The following DYNC1I1 variants were observed in gnomAD, a reference collection of about 807,000 sequenced individuals.
DYNC1I1 encodes the protein cytoplasmic dynein 1 intermediate chain 1.
A neutral mutation model predicts 86.6 loss-of-function variants in DYNC1I1; 43 were observed. The observed-to-expected ratio is 0.50, with a 90% CI of 0.39 to 0.64. The LOEUF (loss-of-function observed/expected upper bound fraction) is 0.64, where lower values mean the gene tolerates loss of function less well. Among genes scored for constraint, DYNC1I1 ranks in the 30% least tolerant of loss-of-function variants. The probability of loss-of-function intolerance (pLI) is 0.00; values close to 1 mark genes in which losing one functional copy is unlikely to be tolerated. For synonymous variants in DYNC1I1, 262 were observed against 283.7 expected (o/e 0.92, Z 0.77); for missense variants, 604 against 788.8 (o/e 0.77, Z 2.81).
rs1264202897 is a variant in DYNC1I1, at chr7:96,080,579, C to A, written c.1776+91C>A. The A allele has an allele frequency of 6.2e-6, 10 of 1,605,376 alleles. No individual in the cohort carries two copies. In the Admixed American group the frequency reaches 6.7e-5, roughly 11 times the overall value. ...ATTATTAGCAAGAACTTGTAGGCCA[C>A]AAGGACCCTCTCTAACGTGCTTGTA... On this transcript the variant is annotated intron_variant, in intron 16 of 16. Coordinates refer to ENST00000447467, the MANE Select transcript of DYNC1I1 (RefSeq NM_001135556.2).
At chr7:95,799,792 A>G (rs1298738656) in intron 1 of DYNC1I1, among the ~76,000 whole-genome samples, 2 of 152,012 alleles carry the variant, frequency 1.3e-5, no homozygotes, top group Non-Finnish European at 2.9e-5. Context: ...TTGCTATTAA[A>G]TCAGTAATGT....
chr7:95,844,729 G>A (rs1362294914), intron 5 of DYNC1I1, among the ~76,000 whole-genome samples: 1 of 152,124 alleles, frequency 6.6e-6, no homozygotes, highest in Non-Finnish European at 1.5e-5. Context: ...CAAGAGTCCA[G>A]GGTCTGGGTG....
At chr7:96,025,567 T>G (rs1226472939) in intron 10 of DYNC1I1, among the ~76,000 whole-genome samples, 1 of 152,224 alleles carries the variant, frequency 6.6e-6, no homozygotes, top group Non-Finnish European at 1.5e-5. Context: ...CTTGACTTTT[T>G]ATCAAATTTA....
At chr7:95,857,663 C>G (rs1445851815) in intron 5 of DYNC1I1, among the ~76,000 whole-genome samples, 2 of 152,192 alleles carry the variant, frequency 1.3e-5, no homozygotes, top group Non-Finnish European at 2.9e-5. Flanking sequence ...GTGATGTTAA[C>G]TTAGCCTTTT....
intron 6 of DYNC1I1, among the ~76,000 whole-genome samples, chr7:95,953,062 G>C (rs1792601609): frequency 6.7e-6 from 1 of 149,794 alleles, no homozygotes; most frequent in South Asian, 2.2e-4. Context: ...ATCTTAACTA[G>C]TTTGTGACTC....
At chr7:96,082,706 A>G (rs1247366409) in intron 16 of DYNC1I1, among the ~76,000 whole-genome samples, 8 of 152,186 alleles carry the variant, frequency 5.3e-5, no homozygotes, top group Non-Finnish European at 1.0e-4. Flanking sequence ...ATATATACAG[A>G]ATTTTCTGCA....
At chr7:95,965,443 A>G (rs1217481535) in intron 6 of DYNC1I1, among the ~76,000 whole-genome samples, 3 of 152,232 alleles carry the variant, frequency 2.0e-5, no homozygotes, top group Non-Finnish European at 4.4e-5. Flanking sequence ...AGCAACGTAT[A>G]TAACCTCTTT....
intron 6 of DYNC1I1, among the ~76,000 whole-genome samples, chr7:95,873,880 G>A (rs566829582): frequency 6.6e-6 from 1 of 152,158 alleles, no homozygotes; most frequent in Admixed American, 6.5e-5. Flanking sequence ...TTTCACATAA[G>A]TCACCTGGTG....
At position 95,987,102 on chromosome 7, in the gene DYNC1I1, G is replaced by A; in HGVS notation, c.790G>A (p.Asp264Asn). Reference sequence around the variant, plus strand: ...TCTTTCTTTCAATCGTCAGTTCTATGATGAACATTGGTCCAAGCATCGAGT... The same window carrying A: ...TCTTTCTTTCAATCGTCAGTTCTATAATGAACATTGGTCCAAGCATCGAGT... ...ANLSFNRQFYDEHWSKHRVVT... is the reference protein window; with the variant it reads ...ANLSFNRQFYNEHWSKHRVVT... The change falls in exon 9 of 17, where the codon GAT becomes AAT. Residue 264 changes from aspartate to asparagine, a missense_variant. Transcript: ENST00000447467. The A allele has an allele frequency of 6.2e-7, 1 of 1,613,974 alleles. No homozygotes were observed. The highest frequency in any genetic ancestry group is 8.5e-7 in the Non-Finnish European group (1 of 1,179,894).
intron 6 of DYNC1I1, among the ~76,000 whole-genome samples, chr7:95,872,295 A>G (rs1790193628): frequency 6.6e-6 from 1 of 152,212 alleles, no homozygotes; most frequent in Non-Finnish European, 1.5e-5. Flanking sequence ...GGTGGCTAAC[A>G]TTTGAAGCTC....
chr7:95,924,663 C>T (rs1180754441), intron 6 of DYNC1I1, among the ~76,000 whole-genome samples: 1 of 152,146 alleles, frequency 6.6e-6, no homozygotes, highest in Non-Finnish European at 1.5e-5. Context: ...GTTCCTTAAA[C>T]TTCAGCTAAT....
At chr7:96,107,485 G>A (rs1470667809) in intron 16 of DYNC1I1, among the ~76,000 whole-genome samples, 2 of 151,182 alleles carry the variant, frequency 1.3e-5, no homozygotes, top group Admixed American at 1.3e-4. Flanking sequence ...TGTAGCACAG[G>A]TTAGGGAAAA....
intron 6 of DYNC1I1, among the ~76,000 whole-genome samples, chr7:95,945,100 T>A (rs1022586150): frequency 2.6e-5 from 4 of 151,670 alleles, no homozygotes; most frequent in Non-Finnish European, 5.9e-5. Flanking sequence ...AAACCATTTT[T>A]TAATACAAAT....
At chr7:95,796,950 C>T (rs530215072) in intron 1 of DYNC1I1, among the ~76,000 whole-genome samples, 8 of 152,174 alleles carry the variant, frequency 5.3e-5, no homozygotes, top group South Asian at 4.1e-4. Flanking sequence ...GGTATTCTAA[C>T]GTGATTTGAG....
intron 6 of DYNC1I1, among the ~76,000 whole-genome samples, chr7:95,969,963 T>C (rs12537028): frequency 6.6e-6 from 1 of 152,144 alleles, no homozygotes; most frequent in Non-Finnish European, 1.5e-5. Flanking sequence ...CCACAAAATA[T>C]GTCTTTCCTG....
chr7:95,882,839 G>T (rs1298703348), intron 6 of DYNC1I1, among the ~76,000 whole-genome samples: 1 of 152,142 alleles, frequency 6.6e-6, no homozygotes, highest in Non-Finnish European at 1.5e-5. Flanking sequence ...CCTTGGCTTG[G>T]CATATTTGGG....
chr7:95,869,168 A>G (rs13238101), intron 5 of DYNC1I1, among the ~76,000 whole-genome samples: 30,708 of 152,072 alleles, frequency 0.2, 3,916 homozygotes, highest in East Asian at 0.45. Context: ...TAGAGGTGTC[A>G]TAAAGGCACG....
intron 6 of DYNC1I1, among the ~76,000 whole-genome samples, chr7:95,936,816 TGG>T (rs1792052651): frequency 6.6e-6 from 1 of 151,756 alleles, no homozygotes; most frequent in Non-Finnish European, 1.5e-5. Context: ...ATGGAATAGG[TGG>T]GGGACATGAT....
At chr7:96,067,867 C>CAG (rs1444881719) in intron 14 of DYNC1I1, among the ~76,000 whole-genome samples, 1 of 152,048 alleles carries the variant, frequency 6.6e-6, no homozygotes, top group Non-Finnish European at 1.5e-5. Flanking sequence ...AATAATGTTG[C>CAG]AGAGAGAGCA....
Sources: allele counts gnomAD v4.1 joint callset (sites outside exome capture counted in the v4.1 genomes callset), GRCh38; gene constraint gnomAD v4.1.1; transcripts MANE v1.5; gene names NCBI Gene and HGNC (gene_info 2026-07-23, HGNC 2026-07-21).